The following PRKCSH variants were observed in gnomAD, a reference collection of about 807,000 sequenced individuals.
PRKCSH encodes the protein PRKCSH beta subunit of glucosidase II, also known as glucosidase 2 subunit beta.
PRKCSH carries 42 observed loss-of-function variants against 79.7 expected under a neutral mutation model. That is an observed-to-expected ratio of 0.53 (90% CI 0.41 to 0.68). The LOEUF (loss-of-function observed/expected upper bound fraction) is 0.68. Ranked by LOEUF, PRKCSH falls within the 30% of genes least tolerant of loss-of-function variation. The pLI is 0.00. For synonymous variants in PRKCSH, 325 were observed against 288.2 expected (o/e 1.13, Z -1.29); for missense variants, 686 against 709.0 (o/e 0.97, Z 0.37).
At position 11,448,845 on chromosome 19, in the gene PRKCSH, TG is replaced by T. The variant is rs1181060414; in HGVS notation, c.1287-63del. ...TGTGTGTGGGGACTGGAGGAGGCGG[TG>T]GGGGGTGGCTGTGGGAGGAGGCTGG... On this transcript the variant is annotated intron_variant, in intron 14 of 17. Coordinates refer to ENST00000677123, the MANE Select transcript of PRKCSH (RefSeq NM_001289104.2). This position sits in a 1 kb window ranked among gnomAD's most constrained non-coding sequence, Gnocchi z 4.4. The T allele has an allele frequency of 1.9e-6, 3 of 1,574,854 alleles. No individual in the cohort carries two copies. Among genetic ancestry groups the T allele is most frequent in the East Asian group, 2.2e-5 (1 of 44,638 alleles).
At chr19:11,440,207 G>A (rs1026737769) in intron 5 of PRKCSH, among the ~76,000 whole-genome samples, 13 of 151,736 alleles carry the variant, frequency 8.6e-5, no homozygotes, top group African/African-American at 3.1e-4. Flanking sequence ...GAGTGCAGTG[G>A]TGTGATCTCC....
rs961773786 is a variant in PRKCSH at position 11,447,960 on chromosome 19, G to A, written c.1126+171G>A. 231 of 870,838 alleles carry A rather than the reference G, an allele frequency of 2.7e-4. 2 individuals are homozygous for A. The highest frequency in any genetic ancestry group is 1.9e-3 in the Admixed American group (67 of 35,552). 53.9% of individuals were successfully genotyped at this position (870,838 alleles called of 1,614,324 possible). ...CCTAGGGTAAGCCAGTCCCACCCTC[G>A]CCAGCCCCAAGGGGCCCTTCTGCCT... On this transcript the variant is annotated intron_variant, in intron 12 of 17. Coordinates refer to ENST00000677123, the MANE Select transcript of PRKCSH (RefSeq NM_001289104.2). This position sits in a 1 kb window ranked among gnomAD's most constrained non-coding sequence, Gnocchi z 5.6.
chr19:11,448,874 T>G lies in PRKCSH; in HGVS notation c.1287-40T>G. On this transcript the variant is annotated intron_variant, in intron 14 of 17. Coordinates refer to ENST00000677123, the MANE Select transcript of PRKCSH (RefSeq NM_001289104.2). The surrounding 1 kb of genome is among the most constrained non-coding windows in gnomAD (Gnocchi z 4.4). The stretch of plus-strand genomic sequence containing the variant: ...GGGTGGCTGTGGGAGGAGGCTGGAA[T>G]CCCTGCGTTCCCCAACCCATATGTC... The G allele has an allele frequency of 6.2e-7, 1 of 1,611,352 alleles. No individual in the cohort carries two copies. Among genetic ancestry groups the G allele is most frequent in the Non-Finnish European group, 8.5e-7 (1 of 1,177,654 alleles).
chr19:11,445,618 G>A (rs1002205990), intron 8 of PRKCSH, 145 bp downstream of exon 8: 17 of 801,130 alleles, frequency 2.1e-5, no homozygotes, highest in Non-Finnish European at 2.9e-5. Flanking sequence ...GTGTGACCCC[G>A]CCTCTTACTC....
chr19:11,441,793 C>T (rs971079682), intron 6 of PRKCSH, among the ~76,000 whole-genome samples: 5 of 152,180 alleles, frequency 3.3e-5, no homozygotes, highest in African/African-American at 9.7e-5. Context: ...GTGTGTGTCT[C>T]TCCCTGCCTT....
chr19:11,447,215 C>A lies in PRKCSH; in HGVS notation c.849+55C>A, dbSNP rs115583278. On this transcript the variant is annotated intron_variant, in intron 10 of 17. Transcript: ENST00000677123. The surrounding 1 kb of genome is among the most constrained non-coding windows in gnomAD (Gnocchi z 5.6). Reference sequence around the variant, plus strand: ...TCCTCCCACCACACTGCCCCCACCCCGCCTCACAAAGGAGCTGCCTCTGGT... The same window carrying A: ...TCCTCCCACCACACTGCCCCCACCCAGCCTCACAAAGGAGCTGCCTCTGGT... The A allele has an allele frequency of 1.9e-3, 3,000 of 1,579,960 alleles. 54 individuals are homozygous for A. The African/African-American group carries it at 0.036, about 19-fold the overall frequency.
chr19:11,436,688 C>T, intron 3 of PRKCSH, 183 bp downstream of exon 3: 1 of 606,106 alleles, frequency 1.6e-6, no homozygotes. Flanking sequence ...CGTCCTCCTC[C>T]CAAGCCTCGG....
intron 9 of PRKCSH, 73 bp downstream of exon 9, chr19:11,446,423 G>A: frequency 6.6e-7 from 1 of 1,521,244 alleles, no homozygotes; most frequent in South Asian, 1.2e-5. Flanking sequence ...GCACAGGAGG[G>A]GGACCAAGGA....
chr19:11,435,956 G>A (rs950500104), intron 1 of PRKCSH, 85 bp from the exon 2 acceptor site: 2 of 1,058,054 alleles, frequency 1.9e-6, no homozygotes, highest in Non-Finnish European at 2.9e-6. Context: ...ACAAAGTGAG[G>A]CCTCATTGCC....
Position 11,447,800 on chromosome 19 carries a change from G to A in PRKCSH, c.1126+11G>A. 1 of 1,555,506 alleles carries A rather than the reference G, an allele frequency of 6.4e-7. No homozygotes were observed. The highest frequency in any genetic ancestry group is 8.7e-7 in the Non-Finnish European group (1 of 1,151,092). ...AGGCCTTCATCGATGGTGAGGGTGG[G>A]CGGGGGCCAGGCTCCTCGGGTGGGC... On this transcript the variant is annotated intron_variant, in intron 12 of 17. Coordinates refer to ENST00000677123, the MANE Select transcript of PRKCSH (RefSeq NM_001289104.2). This position sits in a 1 kb window ranked among gnomAD's most constrained non-coding sequence, Gnocchi z 5.6.
intron 7 of PRKCSH, among the ~76,000 whole-genome samples, chr19:11,445,027 G>C (rs1970229658): frequency 6.6e-6 from 1 of 152,120 alleles, no homozygotes; most frequent in Admixed American, 6.5e-5. Flanking sequence ...GCCAGCCCTT[G>C]TTATCACCTG....
intron 7 of PRKCSH, among the ~76,000 whole-genome samples, chr19:11,444,673 A>G (rs1051352748): frequency 1.2e-4 from 18 of 152,168 alleles, no homozygotes; most frequent in African/African-American, 4.3e-4. Context: ...CGCTCTGCTT[A>G]GGTTAGAGTA....
In PRKCSH at chr19:11,447,455, T is replaced by G. The variant is rs769127313; in HGVS notation, c.866T>G (p.Leu289Arg). The G allele has an allele frequency of 1.1e-5, 17 of 1,613,696 alleles. No individual in the cohort carries two copies. The highest frequency in any genetic ancestry group is 2.7e-5 in the African/African-American group (2 of 74,872). Residue 289 changes from leucine to arginine, a missense_variant, in exon 11 of 18, where the codon CTT becomes CGT. By Grantham distance (102) the Leu-to-Arg change is moderately radical. This residue lies in a region of PRKCSH where 549 missense variants were observed against 520.2 expected (regional missense o/e 1.06). Coordinates refer to ENST00000677123, the MANE Select transcript of PRKCSH (RefSeq NM_001289104.2). This position sits in a 1 kb window ranked among gnomAD's most constrained non-coding sequence, Gnocchi z 5.6. ...ACCCGCCAGGCACTGCCCACCGACC[T>G]TCCAGCACCTTCTGCCCCTGACTTG... ...KYRSEALPTD[L>R]PAPSAPDLTE... is the part of the protein sequence containing the mutation.
chr19:11,442,140 G>A (rs547549317), intron 6 of PRKCSH, among the ~76,000 whole-genome samples: 5 of 152,332 alleles, frequency 3.3e-5, no homozygotes, highest in Admixed American at 6.5e-5. Context: ...GTAAGATAGG[G>A]ATGGGGCAAA....
chr19:11,435,956 G>T (rs950500104), intron 1 of PRKCSH, 85 bp from the exon 2 acceptor site: 5 of 1,057,936 alleles, frequency 4.7e-6, no homozygotes, highest in South Asian at 2.6e-5. Context: ...ACAAAGTGAG[G>T]CCTCATTGCC....
At position 11,447,648 on chromosome 19, in the gene PRKCSH, A is replaced by G. The variant is rs1300805628; in HGVS notation, c.1029+30A>G. Reference sequence around the variant, plus strand: ...GTGTTTGGGGGAGAAGTGGAGACAGAGAGGGTGGGGGAAGGGCTACTCACT... The same window carrying G: ...GTGTTTGGGGGAGAAGTGGAGACAGGGAGGGTGGGGGAAGGGCTACTCACT... On this transcript the variant is annotated intron_variant, in intron 11 of 17. Coordinates refer to ENST00000677123, the MANE Select transcript of PRKCSH (RefSeq NM_001289104.2). This position sits in a 1 kb window ranked among gnomAD's most constrained non-coding sequence, Gnocchi z 5.6. 6.4e-7 allele frequency: 1 copy of G among 1,570,032 alleles called. No individual in the cohort carries two copies. The highest frequency in any genetic ancestry group is 1.9e-5 in the Admixed American group (1 of 53,786).
chr19:11,442,060 A>C (rs911721781), intron 6 of PRKCSH, among the ~76,000 whole-genome samples: 29 of 152,242 alleles, frequency 1.9e-4, no homozygotes, highest in Admixed American at 6.5e-5. Context: ...CTGAAGGAAC[A>C]GCATGTTTGA....
intron 7 of PRKCSH, 55 bp from the exon 8 acceptor site, chr19:11,445,334 G>C: frequency 6.4e-7 from 1 of 1,573,754 alleles, no homozygotes; most frequent in Non-Finnish European, 8.7e-7. Flanking sequence ...TGGGGTGCGG[G>C]GGCTGATGGG....
In PRKCSH at chr19:11,441,653, G is replaced by C. The variant is rs115220118; in HGVS notation, c.468+296G>C. Among the ~76,000 whole-genome samples, 1,086 of 152,234 alleles carry C rather than the reference G, an allele frequency of 7.1e-3. 10 individuals are homozygous for C. The highest frequency in any genetic ancestry group is 0.025 in the African/African-American group (1,030 of 41,534). On this transcript the variant is annotated intron_variant, in intron 6 of 17. Coordinates refer to ENST00000677123, the MANE Select transcript of PRKCSH (RefSeq NM_001289104.2). ...TGGGAGGGTTGCTTCTCTGTACCCC[G>C]GATCTGTGGTGCCATTGCCTGTAAG...
Sources: allele counts gnomAD v4.1 joint callset (sites outside exome capture counted in the v4.1 genomes callset), GRCh38; gene constraint gnomAD v4.1.1; regional missense constraint gnomAD v4.1.1; non-coding constraint Gnocchi (gnomAD v3.1); transcripts MANE v1.5; gene names NCBI Gene and HGNC (gene_info 2026-07-23, HGNC 2026-07-21).